EXOC4: variants seen among roughly 807,000 people sequenced by gnomAD.
EXOC4 encodes exocyst complex component 4.
In EXOC4, 71 loss-of-function variants were observed where a neutral mutation model predicts 107.2. That is an observed-to-expected ratio of 0.66 (90% CI 0.55 to 0.81). The LOEUF is 0.81. EXOC4 is among the 30% of genes least tolerant of loss of function. The pLI is 0.00. For synonymous variants in EXOC4, 456 were observed against 441.2 expected (o/e 1.03, Z -0.42); for missense variants, 1,108 against 1,189.6 (o/e 0.93, Z 1.01).
chr7:133,616,191 C>T (rs181468523), intron 9 of EXOC4, among the ~76,000 whole-genome samples: 1 of 152,122 alleles, frequency 6.6e-6, no homozygotes, highest in African/African-American at 2.4e-5. Context: ...AACTCAAGAA[C>T]AATCATTTTG....
chr7:133,625,096 G>T (rs1802423631), intron 9 of EXOC4, among the ~76,000 whole-genome samples: 1 of 152,168 alleles, frequency 6.6e-6, no homozygotes, highest in Non-Finnish European at 1.5e-5. Context: ...CACATTTGTT[G>T]TAAAGTTGGT....
At chr7:133,747,808 A>C (rs909880194) in intron 10 of EXOC4, among the ~76,000 whole-genome samples, 5 of 152,188 alleles carry the variant, frequency 3.3e-5, no homozygotes, top group Admixed American at 6.6e-5. Flanking sequence ...CCACGCCAAC[A>C]TAACTGCTCC....
chr7:133,848,753 T>C (rs1346638667), intron 11 of EXOC4, among the ~76,000 whole-genome samples: 1 of 151,828 alleles, frequency 6.6e-6, no homozygotes, highest in Non-Finnish European at 1.5e-5. Flanking sequence ...TCAGTTTGTC[T>C]GGACCATCAT....
intron 17 of EXOC4, among the ~76,000 whole-genome samples, chr7:134,056,165 C>A (rs1177781271): frequency 6.6e-6 from 1 of 151,938 alleles, no homozygotes; most frequent in Non-Finnish European, 1.5e-5. Flanking sequence ...TTTTTATCAC[C>A]CTATGATATT....
At chr7:133,696,699 A>T (rs1311839533) in intron 10 of EXOC4, among the ~76,000 whole-genome samples, 2 of 152,184 alleles carry the variant, frequency 1.3e-5, no homozygotes, top group Non-Finnish European at 2.9e-5. Flanking sequence ...TTGATTTCTT[A>T]TAGCTGCTTT....
intron 11 of EXOC4, among the ~76,000 whole-genome samples, chr7:133,885,139 C>G (rs1184191163): frequency 2.0e-5 from 3 of 151,770 alleles, no homozygotes; most frequent in African/African-American, 7.3e-5. Context: ...CATGGTGAAA[C>G]CCCGTCTCTA....
At chr7:133,291,814 C>G (rs995956754) in intron 3 of EXOC4, among the ~76,000 whole-genome samples, 8 of 152,034 alleles carry the variant, frequency 5.3e-5, no homozygotes, top group Admixed American at 4.6e-4. Flanking sequence ...CTAATTTTAT[C>G]TTTCTTCTAT....
chr7:133,822,093 C>T (rs953672866), intron 11 of EXOC4, among the ~76,000 whole-genome samples: 2 of 152,198 alleles, frequency 1.3e-5, no homozygotes, highest in African/African-American at 4.8e-5. Context: ...GTTGCCATCA[C>T]TTTTTCTGCA....
intron 9 of EXOC4, among the ~76,000 whole-genome samples, chr7:133,553,300 C>T (rs901695686): frequency 6.6e-6 from 1 of 152,150 alleles, no homozygotes; most frequent in Non-Finnish European, 1.5e-5. Flanking sequence ...CCATCTCACA[C>T]TTGGATTGTT....
chr7:134,061,916 G>A (rs1327819314), intron 17 of EXOC4, among the ~76,000 whole-genome samples: 1 of 152,152 alleles, frequency 6.6e-6, no homozygotes, highest in Non-Finnish European at 1.5e-5. Flanking sequence ...AGAATGCAAA[G>A]TTCACGTGAG....
chr7:133,288,921 G>A lies in EXOC4; in HGVS notation c.277-1G>A. On this transcript the variant is annotated splice_acceptor_variant, in intron 2 of 17. Transcript: ENST00000253861. LOFTEE classifies it high-confidence loss of function. ...CCAAGACCGAATCTGTTTTATTGTA[G>A]GTAAAAGAGAACCTGCTTTCATGCA... is the stretch of plus-strand genomic sequence containing the variant. 1 of 1,613,860 alleles carries A rather than the reference G, an allele frequency of 6.2e-7. No individual in the cohort carries two copies. Among genetic ancestry groups the A allele is most frequent in the Non-Finnish European group, 8.5e-7 (1 of 1,179,774 alleles).
At chr7:133,540,084 G>A (rs1344356417) in intron 9 of EXOC4, among the ~76,000 whole-genome samples, 1 of 152,136 alleles carries the variant, frequency 6.6e-6, no homozygotes, top group East Asian at 1.9e-4. Context: ...GCTGGTAGTA[G>A]TTTTGAGGAC....
At chr7:133,819,962 G>T (rs73155110) in intron 11 of EXOC4, among the ~76,000 whole-genome samples, 2,229 of 152,108 alleles carry the variant, frequency 0.015, 30 homozygotes, top group Non-Finnish European at 0.018. Context: ...CCTCATCACC[G>T]CCATTTTGTA....
intron 12 of EXOC4, among the ~76,000 whole-genome samples, chr7:133,909,880 T>C (rs2116597991): frequency 6.6e-6 from 1 of 152,222 alleles, no homozygotes; most frequent in Middle Eastern, 3.4e-3. Context: ...TAAATTTGCT[T>C]TATTATAAGA....
intron 11 of EXOC4, among the ~76,000 whole-genome samples, chr7:133,876,331 T>C (rs1367760414): frequency 6.6e-6 from 1 of 151,406 alleles, no homozygotes; most frequent in Non-Finnish European, 1.5e-5. Flanking sequence ...AACTGGGAAA[T>C]AAAATTTCAG....
chr7:133,918,486 A>G (rs1799862247), intron 13 of EXOC4, among the ~76,000 whole-genome samples: 1 of 152,232 alleles, frequency 6.6e-6, no homozygotes, highest in African/African-American at 2.4e-5. Context: ...TCTCCAGTCC[A>G]TAGAACTGTC....
At chr7:133,798,434 A>G (rs1262568318) in intron 10 of EXOC4, among the ~76,000 whole-genome samples, 1 of 4,936 alleles carries the variant, frequency 2.0e-4, no homozygotes, top group African/African-American at 3.5e-4. Context: ...CATATTTACA[A>G]AGAAATAAAC....
At chr7:134,069,600 C>T (rs563382495), downstream of EXOC4, among the ~76,000 whole-genome samples, 11 of 152,100 alleles carry the variant, frequency 7.2e-5, no homozygotes, top group South Asian at 2.1e-4. Context: ...TGGGTTCAAG[C>T]GATTCTCACA....
At chr7:133,289,639 G>T (rs961098388) in intron 3 of EXOC4, among the ~76,000 whole-genome samples, 1 of 152,200 alleles carries the variant, frequency 6.6e-6, no homozygotes, top group African/African-American at 2.4e-5. Context: ...AGTCCATTGT[G>T]TGTGCTCCTT....
Sources: allele counts gnomAD v4.1 joint callset (sites outside exome capture counted in the v4.1 genomes callset), GRCh38; gene constraint gnomAD v4.1.1; transcripts MANE v1.5; gene names NCBI Gene and HGNC (gene_info 2026-07-23, HGNC 2026-07-21).